The following GRIK2 variants were observed in gnomAD, a reference collection of about 807,000 sequenced individuals.
The protein encoded by GRIK2 is glutamate receptor ionotropic, kainate 2.
GRIK2 carries 32 observed loss-of-function variants against 100.3 expected under a neutral mutation model. The ratio of observed to expected loss-of-function variants is 0.32; its 90% CI spans 0.24 to 0.43. The LOEUF (loss-of-function observed/expected upper bound fraction) is 0.43, where lower values mean the gene tolerates loss of function less well. Among genes scored for constraint, GRIK2 ranks in the 20% least tolerant of loss-of-function variants. GRIK2 has a pLI of 1.00. For synonymous variants in GRIK2, 417 were observed against 389.4 expected (o/e 1.07, Z -0.83); for missense variants, 843 against 1,114.9 (o/e 0.76, Z 3.47).
At chr6:101,558,221 C>T (rs141000752) in intron 2 of GRIK2, among the ~76,000 whole-genome samples, 2 of 152,282 alleles carry the variant, frequency 1.3e-5, no homozygotes, top group East Asian at 3.9e-4. Context: ...TTGAGCTTTC[C>T]ACATTCAATA....
intron 11 of GRIK2, among the ~76,000 whole-genome samples, chr6:101,866,466 C>T (rs1785059550): frequency 6.6e-6 from 1 of 152,120 alleles, no homozygotes; most frequent in Admixed American, 6.5e-5. Flanking sequence ...AATTGTTTAT[C>T]ATAGTTCATG....
intron 14 of GRIK2, among the ~76,000 whole-genome samples, chr6:102,011,345 T>C (rs1028353606): frequency 2.6e-4 from 39 of 152,274 alleles, no homozygotes; most frequent in African/African-American, 9.1e-4. Flanking sequence ...TAGCTCTTCC[T>C]TGGTAAGGTG....
At chr6:101,513,078 C>CA (rs1421977674) in intron 2 of GRIK2, among the ~76,000 whole-genome samples, 1 of 152,040 alleles carries the variant, frequency 6.6e-6, no homozygotes, top group Non-Finnish European at 1.5e-5. Context: ...GCCCATGACG[C>CA]AGCCTCCAGG....
At chr6:102,020,982 A>G (rs1769391947) in intron 14 of GRIK2, among the ~76,000 whole-genome samples, 1 of 151,846 alleles carries the variant, frequency 6.6e-6, no homozygotes. Flanking sequence ...TCATATAAAA[A>G]GAAGTTGTTT....
chr6:101,900,736 A>G (rs1457869416), intron 12 of GRIK2, among the ~76,000 whole-genome samples: 2 of 152,078 alleles, frequency 1.3e-5, no homozygotes, highest in African/African-American at 2.4e-5. Flanking sequence ...ATTTCCTGCA[A>G]AAAAGAAAAC....
intron 2 of GRIK2, among the ~76,000 whole-genome samples, chr6:101,425,439 A>G (rs1428514692): frequency 6.6e-6 from 1 of 152,162 alleles, no homozygotes; most frequent in Non-Finnish European, 1.5e-5. Context: ...TGCATAAAAC[A>G]TGGAAAATTG....
At chr6:101,745,223 CTA>C (rs1277526035) in intron 7 of GRIK2, 1 of 151,912 alleles carries the variant, frequency 6.6e-6, no homozygotes, top group African/African-American at 2.4e-5. Context: ...GAAAGGATAA[CTA>C]TTGGTAGCGA....
rs955412680 is a variant in GRIK2 at position 101,987,868 on chromosome 6, GTAGCATTAATTTCTCTTTTTTCCTGAGCT to G, written c.2086-47469_2086-47441del. Reference sequence around the variant, plus strand: ...GATTTACATTCATTTTTCTGAAATAGTAGCATTAATTTCTCTTTTTTCCTGAGCTTAGACTCCTCAATACCCCTATTTAT... The same window carrying G: ...GATTTACATTCATTTTTCTGAAATAGTAGACTCCTCAATACCCCTATTTAT... On this transcript the variant is annotated intron_variant, in intron 14 of 16. Coordinates refer to ENST00000369134, the MANE Select transcript of GRIK2 (RefSeq NM_021956.5). Among the ~76,000 whole-genome samples the G allele has an allele frequency of 2.6e-5, 4 of 151,394 alleles. 1 individual carries two copies. Among genetic ancestry groups the G allele is most frequent in the African/African-American group, 9.7e-5 (4 of 41,284 alleles).
chr6:101,714,114 C>T (rs966287772), intron 7 of GRIK2, among the ~76,000 whole-genome samples: 1 of 151,560 alleles, frequency 6.6e-6, no homozygotes, highest in African/African-American at 2.4e-5. Flanking sequence ...TTATTATTTG[C>T]AGGGGTCATA....
intron 14 of GRIK2, among the ~76,000 whole-genome samples, chr6:101,950,198 TTTG>T (rs1411643815): frequency 2.0e-5 from 3 of 152,062 alleles, no homozygotes; most frequent in South Asian, 2.1e-4. Context: ...GTGTTTCCAT[TTTG>T]TTGTTGTTGC....
At chr6:101,759,418 A>G (rs1048261071) in intron 7 of GRIK2, among the ~76,000 whole-genome samples, 8 of 152,194 alleles carry the variant, frequency 5.3e-5, no homozygotes, top group African/African-American at 1.9e-4. Flanking sequence ...TTGCATAACA[A>G]AACAGCAGCA....
intron 2 of GRIK2, among the ~76,000 whole-genome samples, chr6:101,578,340 T>C (rs1582754780): frequency 6.6e-6 from 1 of 152,300 alleles, no homozygotes. Flanking sequence ...ACTCTGCCTA[T>C]GTATTTTCTA....
At chr6:101,669,456 CTT>C in intron 4 of GRIK2, among the ~76,000 whole-genome samples, 1 of 152,028 alleles carries the variant, frequency 6.6e-6, no homozygotes, top group Non-Finnish European at 1.5e-5. Context: ...TTTTGAGAGA[CTT>C]ATTTTTTCCT....
At chr6:101,397,726 C>A (rs1373156328) in intron 1 of GRIK2, among the ~76,000 whole-genome samples, 1 of 152,032 alleles carries the variant, frequency 6.6e-6, no homozygotes, top group Non-Finnish European at 1.5e-5. Flanking sequence ...TCATATCACT[C>A]CTTATTTAAA....
chr6:101,501,918 C>G (rs1202959688), intron 2 of GRIK2, among the ~76,000 whole-genome samples: 1 of 152,052 alleles, frequency 6.6e-6, no homozygotes, highest in East Asian at 1.9e-4. Context: ...CCACCATGCC[C>G]TGCTAATTTT....
At chr6:101,815,061 G>A (rs958039930) in intron 9 of GRIK2, among the ~76,000 whole-genome samples, 27 of 152,036 alleles carry the variant, frequency 1.8e-4, no homozygotes, top group Admixed American at 1.5e-3. Flanking sequence ...TAATGTACCC[G>A]AGTCACCTGA....
chr6:101,537,650 A>G (rs1263445472), intron 2 of GRIK2, among the ~76,000 whole-genome samples: 3 of 151,792 alleles, frequency 2.0e-5, no homozygotes, highest in African/African-American at 4.8e-5. Context: ...AAATTGTCCT[A>G]TGAACTTATG....
intron 7 of GRIK2, among the ~76,000 whole-genome samples, chr6:101,694,860 C>T (rs1361271061): frequency 6.6e-6 from 1 of 151,428 alleles, no homozygotes; most frequent in African/African-American, 2.4e-5. Context: ...TTTTTGGCTC[C>T]TCCCCCCAAA....
chr6:101,476,278 T>C (rs2128258642), intron 2 of GRIK2, among the ~76,000 whole-genome samples: 1 of 152,284 alleles, frequency 6.6e-6, no homozygotes, highest in South Asian at 2.1e-4. Context: ...ATCTTCCCTA[T>C]GAAATGTTTC....
Sources: allele counts gnomAD v4.1 joint callset (sites outside exome capture counted in the v4.1 genomes callset), GRCh38; gene constraint gnomAD v4.1.1; transcripts MANE v1.5; gene names NCBI Gene and HGNC (gene_info 2026-07-23, HGNC 2026-07-21).